Variants in CDH12 observed in about 807,000 individuals in gnomAD.
CDH12 encodes cadherin 12.
Under a neutral mutation model 74.1 loss-of-function variants are expected in CDH12, and 41 were observed. The observed-to-expected ratio is 0.55, with a 90% confidence interval of 0.43 to 0.72. The LOEUF is 0.72. CDH12 is among the 30% of genes least tolerant of loss of function. The pLI, the probability that CDH12 is intolerant of heterozygous loss-of-function variation, is 0.00. For missense variants in CDH12, 945 were observed against 977.2 expected, an observed-to-expected ratio of 0.97 and a Z score of 0.44; for synonymous variants, 399 against 355.0, an observed-to-expected ratio of 1.12 and a Z score of -1.39.
rs1321919675 is a variant in CDH12, at chr5:22,209,206, C to T, written c.-187+3292G>A. 2.0e-5 allele frequency among the ~76,000 whole-genome samples: 3 copies of T among 152,280 alleles called. No homozygotes were observed. The East Asian group carries it at 5.8e-4, about 29-fold the overall frequency. On this transcript the variant is annotated intron_variant, in intron 4 of 14. Transcript: ENST00000382254. The stretch of plus-strand genomic sequence containing the variant: ...TTCCAGGTCACCTCTAATCTTATAA[C>T]ATCCCTCCCTTCTTGTCACAGGATT...
chr5:22,519,961 CTTG>C (rs1474428372), intron 1 of CDH12, among the ~76,000 whole-genome samples: 1 of 152,026 alleles, frequency 6.6e-6, no homozygotes, highest in Non-Finnish European at 1.5e-5. Flanking sequence ...AAATAATAGA[CTTG>C]TTTTTTTTCT....
chr5:21,891,821 G>C (rs1291169565), intron 6 of CDH12, among the ~76,000 whole-genome samples: 2 of 151,938 alleles, frequency 1.3e-5, no homozygotes, highest in Non-Finnish European at 2.9e-5. Context: ...TTTGAAACAA[G>C]GGCCAAGTTT....
intron 3 of CDH12, among the ~76,000 whole-genome samples, chr5:22,393,880 C>A (rs1742347636): frequency 1.3e-5 from 2 of 152,074 alleles, no homozygotes; most frequent in African/African-American, 4.8e-5. Flanking sequence ...AATTGTGTTT[C>A]CCTCTTTGGC....
At chr5:22,142,873 AAG>A (rs2150300012) in intron 4 of CDH12, 1 of 241,472 alleles carries the variant, frequency 4.1e-6, no homozygotes, top group African/African-American at 2.3e-5. Flanking sequence ...GTATGCTGGG[AAG>A]AGTCTACCAA....
intron 5 of CDH12, among the ~76,000 whole-genome samples, chr5:21,993,747 C>T (rs1236415203): frequency 6.6e-6 from 1 of 151,930 alleles, no homozygotes; most frequent in African/African-American, 2.4e-5. Context: ...GAGCAAAGAA[C>T]TCATTCACAC....
chr5:22,729,177 G>A (rs1744308645), intron 1 of CDH12, among the ~76,000 whole-genome samples: 1 of 151,798 alleles, frequency 6.6e-6, no homozygotes, highest in Admixed American at 6.6e-5. Flanking sequence ...ATCATGGCAG[G>A]ATTTTTCTCA....
intron 3 of CDH12, among the ~76,000 whole-genome samples, chr5:22,240,471 G>A (rs927038874): frequency 6.6e-6 from 1 of 152,164 alleles, no homozygotes; most frequent in African/African-American, 2.4e-5. Flanking sequence ...GATTGCTGAA[G>A]AATGTAAGCA....
At chr5:22,836,223 C>CTTTTTTTTTCTTTTTTTT (rs1736816753) in intron 1 of CDH12, among the ~76,000 whole-genome samples, 1 of 65,506 alleles carries the variant, frequency 1.5e-5, no homozygotes, top group Admixed American at 2.9e-4. Context: ...CTTTCTTTCT[C>CTTTTTTTTTCTTTTTTTT]TTTTTTTTTT....
At chr5:21,975,525 G>A (rs918936063) in intron 5 of CDH12, 140 bp from the exon 6 acceptor site, 2 of 600,246 alleles carry the variant, frequency 3.3e-6, no homozygotes, top group African/African-American at 1.9e-5. Flanking sequence ...AAAATCTTAT[G>A]GTTCTGTTTT....
chr5:22,543,047 A>T (rs958516820), intron 1 of CDH12, among the ~76,000 whole-genome samples: 5 of 152,166 alleles, frequency 3.3e-5, no homozygotes, highest in African/African-American at 1.2e-4. Context: ...AGAGCAATAA[A>T]ATCAGAGTCA....
At chr5:22,467,661 G>A (rs1329134450) in intron 2 of CDH12, among the ~76,000 whole-genome samples, 1 of 152,098 alleles carries the variant, frequency 6.6e-6, no homozygotes, top group Non-Finnish European at 1.5e-5. Context: ...ATAAATATTG[G>A]TTGAATGAAA....
intron 6 of CDH12, among the ~76,000 whole-genome samples, chr5:21,894,168 C>T (rs745537395): frequency 2.1e-4 from 32 of 152,048 alleles, no homozygotes; most frequent in Non-Finnish European, 3.5e-4. Flanking sequence ...CACCTGAGGT[C>T]AGCAGTTCGA....
chr5:22,385,596 C>A (rs956550397), intron 3 of CDH12, among the ~76,000 whole-genome samples: 3 of 152,108 alleles, frequency 2.0e-5, no homozygotes, highest in African/African-American at 7.2e-5. Flanking sequence ...GAAATGAGGA[C>A]CTTATCTTTC....
chr5:22,512,115 T>C (rs1468049094), intron 1 of CDH12, among the ~76,000 whole-genome samples: 1 of 152,128 alleles, frequency 6.6e-6, no homozygotes, highest in Non-Finnish European at 1.5e-5. Flanking sequence ...TCAGTATTAC[T>C]AAGATGAGTT....
At chr5:22,616,619 T>A (rs748247630) in intron 1 of CDH12, among the ~76,000 whole-genome samples, 4 of 152,066 alleles carry the variant, frequency 2.6e-5, no homozygotes, top group Non-Finnish European at 5.9e-5. Flanking sequence ...TGTGTATACA[T>A]ACATATAATC....
At chr5:22,340,463 T>C (rs1229438020) in intron 3 of CDH12, among the ~76,000 whole-genome samples, 1 of 151,472 alleles carries the variant, frequency 6.6e-6, no homozygotes, top group Non-Finnish European at 1.5e-5. Context: ...GGAGCAGAGT[T>C]TGCAGTGAGC....
intron 3 of CDH12, among the ~76,000 whole-genome samples, chr5:22,220,235 T>C (rs1029027619): frequency 6.6e-6 from 1 of 151,776 alleles, no homozygotes; most frequent in South Asian, 2.1e-4. Flanking sequence ...TGTGTGCATG[T>C]ACATAAATTG....
intron 2 of CDH12, among the ~76,000 whole-genome samples, chr5:22,435,227 T>A (rs112081526): frequency 4.1e-4 from 62 of 152,200 alleles, no homozygotes; most frequent in African/African-American, 1.4e-3. Flanking sequence ...TGGCTTAGCC[T>A]CCCAGGCTTC....
chr5:22,675,754 A>G (rs952469607), intron 1 of CDH12, among the ~76,000 whole-genome samples: 1 of 151,728 alleles, frequency 6.6e-6, no homozygotes, highest in Non-Finnish European at 1.5e-5. Context: ...TCTTAAGTCC[A>G]TTAAACCTCT....
Sources: gnomAD v4.1 joint callset for allele counts (sites outside exome capture counted in the v4.1 genomes callset) on GRCh38, gnomAD v4.1.1 for gene constraint, MANE v1.5 for transcripts, NCBI Gene and HGNC (gene_info 2026-07-23, HGNC 2026-07-21) for gene names.